The following TG variants were observed in gnomAD, a reference collection of about 807,000 sequenced individuals.
The protein encoded by TG is thyroid hormones.
A neutral mutation model predicts 324.7 loss-of-function variants in TG; 270 were observed. The ratio of observed to expected loss-of-function variants is 0.83; its 90% confidence interval spans 0.75 to 0.92. The LOEUF (loss-of-function observed/expected upper bound fraction) is 0.92. Among genes scored for constraint, TG ranks in the 40% least tolerant of loss-of-function variants. TG has a pLI of 0.00. For synonymous variants in TG, 1,401 were observed against 1,327.0 expected, an observed-to-expected ratio of 1.06 and a Z score of -1.21; for missense variants, 3,591 against 3,456.4, an observed-to-expected ratio of 1.04 and a Z score of -0.98.
chr8:132,867,084 T>C lies in TG; in HGVS notation c.67+17T>C, dbSNP rs190573011. 3.3e-5 allele frequency: 53 copies of C among 1,589,968 alleles called. No individual in the cohort carries two copies. In the East Asian group the frequency reaches 1.2e-3, roughly 36 times the overall value. ...ATATCTTCGGTAAGTTCTGAGGCCA[T>C]GGAGCCAGGCGGTGGGGAGGGAGCT... On this transcript the variant is annotated intron_variant, in intron 1 of 47. Coordinates refer to ENST00000220616, the MANE Select transcript of TG (RefSeq NM_003235.5).
In TG at chr8:133,022,120, C is replaced by A. The variant is rs144875913; in HGVS notation, c.7006C>A (p.Arg2336=). Residue 2336 remains arginine, a synonymous_variant, in exon 40 of 48, where the codon CGA becomes AGA. Coordinates refer to ENST00000220616, the MANE Select transcript of TG (RefSeq NM_003235.5). ...CCTCATCGTGGTCACTGCCAGCTAC[C>A]GAGTGGGTGTCTTCGGCTTCCTGAG... ...GNLIVVTASY[R]VGVFGFLSSG... is the part of the protein sequence containing the mutation. 44 of 1,613,994 alleles carry A rather than the reference C, an allele frequency of 2.7e-5. No homozygotes were observed. In the Admixed American group the frequency reaches 3.2e-4, roughly 12 times the overall value.
chr8:133,124,284 A>T (rs1485849669), intron 45 of TG, among the ~76,000 whole-genome samples: 5 of 152,156 alleles, frequency 3.3e-5, no homozygotes, highest in Admixed American at 3.3e-4. Flanking sequence ...GGGTGCTGGG[A>T]TGTCATTCCT....
At position 132,867,031 on chromosome 8, in the gene TG, C is replaced by A; in HGVS notation, c.31C>A (p.Leu11Met). MALVLEIFTL[L>M]ASICWVSANI... ...CCTGGTCCTGGAGATCTTCACCCTG[C>A]TGGCCTCCATCTGCTGGGTGTCGGC... is the stretch of plus-strand genomic sequence containing the variant. The change falls in exon 1 of 48, where the codon CTG (leucine) becomes ATG (methionine). Residue 11 changes from leucine to methionine, a missense_variant. Transcript: ENST00000220616. 1 of 1,601,930 alleles carries A rather than the reference C, an allele frequency of 6.2e-7. No homozygotes were observed. Among genetic ancestry groups the A allele is most frequent in the Non-Finnish European group, 8.5e-7 (1 of 1,173,272 alleles).
intron 41 of TG, among the ~76,000 whole-genome samples, chr8:133,076,467 G>T (rs776841331): frequency 1.3e-5 from 2 of 152,202 alleles, no homozygotes; most frequent in Non-Finnish European, 2.9e-5. Context: ...CTCAAGAAGA[G>T]CATGCTGGGA....
chr8:132,928,982 G>A, intron 22 of TG, 94 bp from the exon 23 acceptor site: 1 of 978,896 alleles, frequency 1.0e-6, no homozygotes, highest in Non-Finnish European at 1.7e-6. Context: ...GCTACGAATG[G>A]GTATTGACTG....
intron 22 of TG, among the ~76,000 whole-genome samples, chr8:132,925,143 T>C (rs1300668975): frequency 6.6e-6 from 1 of 152,224 alleles, no homozygotes. Flanking sequence ...GAATCCATGG[T>C]AGTCCTAAAA....
At chr8:132,920,425 G>A (rs553195291) in intron 21 of TG, among the ~76,000 whole-genome samples, 42 of 152,326 alleles carry the variant, frequency 2.8e-4, no homozygotes, top group South Asian at 4.1e-4. Context: ...GGTCAGGAAA[G>A]CAGTAATAAT....
intron 41 of TG, among the ~76,000 whole-genome samples, chr8:133,053,785 G>A (rs1209828458): frequency 6.6e-6 from 1 of 152,194 alleles, no homozygotes; most frequent in Admixed American, 6.5e-5. Context: ...TAGAGTGTTG[G>A]AGAGTTTCAA....
intron 41 of TG, chr8:133,038,492 T>C: frequency 6.6e-7 from 1 of 1,520,968 alleles, no homozygotes; most frequent in Non-Finnish European, 9.1e-7. Flanking sequence ...CTTCTGTTCC[T>C]TTTGGGCATG....
At chr8:133,050,828 C>G in intron 41 of TG, 2 of 1,607,160 alleles carry the variant, frequency 1.2e-6, no homozygotes, top group Non-Finnish European at 1.7e-6. Flanking sequence ...AGAAATCACA[C>G]GCAGTTTCTC....
chr8:132,871,144 C>A (rs1200489878), intron 3 of TG, among the ~76,000 whole-genome samples: 1 of 152,124 alleles, frequency 6.6e-6, no homozygotes, highest in Non-Finnish European at 1.5e-5. Flanking sequence ...GATGTGGCAC[C>A]AGCGAGATCA....
Position 133,113,514 on chromosome 8 carries a change from C to T in TG, c.7665C>T (p.Arg2555=), listed in dbSNP as rs115139074. 4.0e-4 allele frequency: 645 copies of T among 1,614,060 alleles called. 4 individuals are homozygous for T. In the African/African-American group the frequency reaches 7.2e-3, roughly 18 times the overall value. ...TGGGTGGCGAGGACTCAGATGCCCG[C>T]GTCGAGGCTGCTGCTACATGGTATT... ...NSLGGEDSDA[R]VEAAATWYYS... Residue 2555 remains arginine (R), a synonymous_variant, in exon 44 of 48, where the codon CGC becomes CGT. Coordinates refer to ENST00000220616, the MANE Select transcript of TG (RefSeq NM_003235.5).
chr8:133,039,011 G>A (rs948129192), intron 41 of TG, among the ~76,000 whole-genome samples: 2 of 152,104 alleles, frequency 1.3e-5, no homozygotes, highest in Non-Finnish European at 2.9e-5. Context: ...CTGAGTAGCT[G>A]GGATTACAAC....
chr8:133,058,304 G>A (rs1841833419), intron 41 of TG, among the ~76,000 whole-genome samples: 1 of 152,158 alleles, frequency 6.6e-6, no homozygotes, highest in African/African-American at 2.4e-5. Flanking sequence ...TCACAAACGG[G>A]GTATGACCAG....
chr8:133,072,431 G>GGGATAGAT (rs56842827), intron 41 of TG, among the ~76,000 whole-genome samples: 1 of 152,300 alleles, frequency 6.6e-6, no homozygotes, highest in African/African-American at 2.4e-5. Flanking sequence ...CAGGAAGAGA[G>GGGATAGAT]GGATAGATGG....
rs558965554 is a variant in TG at position 132,877,350 on chromosome 8, G to T, written c.638+4129G>T. ...AGACGGGGTTCACTATGTTGGTCAG[G>T]CTGGTCTGAAACTCCTGACCTCAAG... On this transcript the variant is annotated intron_variant, in intron 5 of 47. Transcript: ENST00000220616. Among the ~76,000 whole-genome samples the T allele has an allele frequency of 2.0e-5, 3 of 152,146 alleles. No homozygotes were observed. In the South Asian group the frequency reaches 6.2e-4, roughly 32 times the overall value.
At chr8:132,995,014 G>T (rs533071361) in intron 35 of TG, 11 of 968,000 alleles carry the variant, frequency 1.1e-5, no homozygotes, top group South Asian at 5.1e-5. Flanking sequence ...GCTCAGTTAT[G>T]CTGTAGCGTG....
chr8:133,039,908 GCACACA>G, intron 41 of TG: 2 of 1,494,606 alleles, frequency 1.3e-6, no homozygotes, highest in Non-Finnish European at 1.8e-6. Context: ...CATGTGCTCG[GCACACA>G]CACCGTTTTG....
At chr8:133,096,443 A>ACTTGGTCAATATCT in intron 43 of TG, 70 bp downstream of exon 43, 1 of 1,575,906 alleles carries the variant, frequency 6.3e-7, no homozygotes, top group Non-Finnish European at 8.7e-7. Context: ...TCAATGTCTG[A>ACTTGGTCAATATCT]CTTGATCAAG....
Sources: gnomAD v4.1 joint callset for allele counts (sites outside exome capture counted in the v4.1 genomes callset) on GRCh38, gnomAD v4.1.1 for gene constraint, MANE v1.5 for transcripts, NCBI Gene and HGNC (gene_info 2026-07-23, HGNC 2026-07-21) for gene names.